Variants in ANKRD36 observed in about 807,000 individuals in gnomAD.
The protein encoded by ANKRD36 is ankyrin repeat domain 36.
In ANKRD36, 179 loss-of-function variants were observed where a neutral mutation model predicts 278.1. That is an observed-to-expected ratio of 0.64 (90% CI 0.57 to 0.73). ANKRD36 has a LOEUF of 0.73. Among genes scored for constraint, ANKRD36 ranks in the 30% least tolerant of loss-of-function variants. ANKRD36 has a pLI of 0.00. For missense variants in ANKRD36, 1,159 were observed against 1,956.7 expected (o/e 0.59, Z 7.69); for synonymous variants, 320 against 641.1 (o/e 0.50, Z 7.57).
chr2:97,196,477 C>G (rs1468547455), intron 40 of ANKRD36, 116 bp from the exon 41 acceptor site: 11 of 1,544,666 alleles, frequency 7.1e-6, no homozygotes, highest in African/African-American at 5.5e-5. Flanking sequence ...TAGAAGCCAT[C>G]AAAGCCTATG....
At chr2:97,159,926 C>G (rs112298017) in intron 17 of ANKRD36, among the ~76,000 whole-genome samples, 1 of 98,314 alleles carries the variant, frequency 1.0e-5, no homozygotes, top group Non-Finnish European at 2.2e-5. Context: ...GGACTATAGG[C>G]GCCCGCCATC....
intron 28 of ANKRD36, among the ~76,000 whole-genome samples, chr2:97,183,955 T>G (rs1371466003): frequency 6.6e-6 from 1 of 151,456 alleles, no homozygotes; most frequent in Non-Finnish European, 1.5e-5. Context: ...AGCATGTTTC[T>G]ATGGAGAGGG....
intron 6 of ANKRD36, among the ~76,000 whole-genome samples, chr2:97,139,048 G>A (rs1013108681): frequency 6.6e-6 from 1 of 152,028 alleles, no homozygotes; most frequent in Non-Finnish European, 1.5e-5. Flanking sequence ...AACACCAAAA[G>A]CAATGTCAAC....
At chr2:97,184,024 A>G (rs1365550115) in intron 28 of ANKRD36, among the ~76,000 whole-genome samples, 3 of 151,696 alleles carry the variant, frequency 2.0e-5, no homozygotes, top group Non-Finnish European at 4.4e-5. Context: ...TGCTAAAACC[A>G]GAGGGAGGAA....
In ANKRD36 at chr2:97,115,480, A is replaced by G. The variant is rs1255862486; in HGVS notation, c.197+1544A>G. ...TGTGTATATACATATTAGATAAAAAAGTGATTTTCATTTTACAGAGAATTC... is the reference window on the plus strand; with the variant it reads ...TGTGTATATACATATTAGATAAAAAGGTGATTTTCATTTTACAGAGAATTC... On this transcript the variant is annotated intron_variant, in intron 1 of 75. Transcript: ENST00000420699. Among the ~76,000 whole-genome samples the G allele has an allele frequency of 3.4e-4, 52 of 152,264 alleles. 1 individual carries two copies. The highest frequency in any genetic ancestry group is 2.9e-5 in the Non-Finnish European group (2 of 68,032).
rs748823524 is a variant in ANKRD36 at position 97,209,781 on chromosome 2, C to T, written c.3295-19C>T. 142 of 1,597,168 alleles carry T rather than the reference C, an allele frequency of 8.9e-5. 4 individuals are homozygous for T. The African/African-American group carries it at 1.6e-3, about 18-fold the overall frequency. Reference sequence around the variant, plus strand: ...ATGAAAGATACCTTACTTATTATTTCATTTCAAATTCCATTCAGGCTACAA... The same window carrying T: ...ATGAAAGATACCTTACTTATTATTTTATTTCAAATTCCATTCAGGCTACAA... On this transcript the variant is annotated intron_variant, in intron 55 of 75. Coordinates refer to ENST00000420699, the MANE Select transcript of ANKRD36 (RefSeq NM_001354587.1).
rs1303695806 is a variant in ANKRD36, at chr2:97,187,355, T to A, written c.2097T>A (p.Val699=). ...CTACAACTGACGAGGAAGACTCTGT[T>A]TCGAATATAGCCACAGAAATAAAGG... The part of the protein sequence containing the change: ...LKATTDEEDS[V]SNIATEIKDG... Residue 699 remains valine (V), a synonymous_variant, in exon 32 of 76, where the codon GTT becomes GTA. Transcript: ENST00000420699. The A allele has an allele frequency of 6.2e-7, 1 of 1,608,862 alleles. No individual in the cohort carries two copies. The highest frequency in any genetic ancestry group is 8.5e-7 in the Non-Finnish European group (1 of 1,177,836).
At chr2:97,148,471 T>C (rs1217289568) in intron 11 of ANKRD36, among the ~76,000 whole-genome samples, 5 of 151,392 alleles carry the variant, frequency 3.3e-5, no homozygotes, top group African/African-American at 1.2e-4. Context: ...TAGGGATGAA[T>C]GAAATGGAGC....
intron 12 of ANKRD36, 79 bp downstream of exon 12, chr2:97,149,440 T>C: frequency 1.7e-6 from 2 of 1,201,212 alleles, no homozygotes; most frequent in South Asian, 3.0e-5. Context: ...AACTTAGCAG[T>C]TGTCTACCTA....
At chr2:97,158,786 C>G in intron 17 of ANKRD36, 131 bp downstream of exon 17, 2 of 982,736 alleles carry the variant, frequency 2.0e-6, no homozygotes, top group Non-Finnish European at 2.9e-6. Context: ...ATATTTTTCC[C>G]GTGCTTTATT....
intron 32 of ANKRD36, among the ~76,000 whole-genome samples, chr2:97,188,438 A>G (rs373574889): frequency 6.6e-6 from 1 of 151,736 alleles, no homozygotes; most frequent in African/African-American, 2.4e-5. Flanking sequence ...CCACGACTGG[A>G]TGAAGAAATT....
chr2:97,183,074 T>C (rs554615459), intron 26 of ANKRD36, among the ~76,000 whole-genome samples: 29 of 151,854 alleles, frequency 1.9e-4, no homozygotes, highest in African/African-American at 6.7e-4. Flanking sequence ...CCTTCTGATG[T>C]CTTGCATGAA....
intron 44 of ANKRD36, among the ~76,000 whole-genome samples, chr2:97,199,131 G>T (rs1342469629): frequency 6.6e-6 from 1 of 151,926 alleles, no homozygotes; most frequent in Admixed American, 6.6e-5. Flanking sequence ...AGACAGGAAG[G>T]TGTGAAAAGA....
chr2:97,129,618 G>C (rs1212689120), intron 6 of ANKRD36, among the ~76,000 whole-genome samples: 1 of 152,068 alleles, frequency 6.6e-6, no homozygotes, highest in African/African-American at 2.4e-5. Flanking sequence ...TAACGTTTAA[G>C]TCTTTAATCC....
At chr2:97,186,718 C>T (rs1023598221) in intron 30 of ANKRD36, among the ~76,000 whole-genome samples, 2 of 151,866 alleles carry the variant, frequency 1.3e-5, no homozygotes, top group African/African-American at 4.8e-5. Flanking sequence ...TGTGTACATT[C>T]AACTGAAGTG....
intron 26 of ANKRD36, among the ~76,000 whole-genome samples, chr2:97,182,788 T>C (rs1265357089): frequency 6.6e-6 from 1 of 151,630 alleles, no homozygotes; most frequent in Non-Finnish European, 1.5e-5. Flanking sequence ...TTATGTATTA[T>C]ATTTGTTGCC....
intron 51 of ANKRD36, 47 bp downstream of exon 51, chr2:97,206,015 A>G: frequency 3.2e-6 from 5 of 1,544,144 alleles, no homozygotes; most frequent in South Asian, 1.2e-5. Context: ...TATATGGTCT[A>G]TGAAACATAC....
chr2:97,204,550 T>C (rs1224771051), intron 50 of ANKRD36, among the ~76,000 whole-genome samples: 1 of 151,340 alleles, frequency 6.6e-6, no homozygotes, highest in East Asian at 2.0e-4. Flanking sequence ...GCTTTAATTC[T>C]CCAGCTTGTT....
At chr2:97,219,727 C>T (rs1316276396) in intron 66 of ANKRD36, among the ~76,000 whole-genome samples, 6 of 135,978 alleles carry the variant, frequency 4.4e-5, no homozygotes, top group East Asian at 2.4e-4. Context: ...GTGATCCTCC[C>T]GCCTCGCCCT....
Sources: allele counts gnomAD v4.1 joint callset (sites outside exome capture counted in the v4.1 genomes callset), GRCh38; gene constraint gnomAD v4.1.1; transcripts MANE v1.5; gene names NCBI Gene and HGNC (gene_info 2026-07-23, HGNC 2026-07-21).